The following MACF1 variants were observed in gnomAD, a reference collection of about 807,000 sequenced individuals.
MACF1 encodes microtubule-actin cross-linking factor 1.
MACF1 carries 193 observed loss-of-function variants against 854.8 expected under a neutral mutation model. The observed-to-expected ratio is 0.23, with a 90% CI of 0.20 to 0.25. The LOEUF is 0.25. Ranked by LOEUF, MACF1 falls within the 10% of genes least tolerant of loss-of-function variation. The pLI is 1.00. For synonymous variants in MACF1, 3,185 were observed against 3,226.7 expected, an observed-to-expected ratio of 0.99 and a Z score of 0.44; for missense variants, 7,722 against 8,929.1, an observed-to-expected ratio of 0.86 and a Z score of 5.45.
At chr1:39,419,017 A>G (rs1643432937) in intron 58 of MACF1, among the ~76,000 whole-genome samples, 1 of 152,250 alleles carries the variant, frequency 6.6e-6, no homozygotes, top group African/African-American at 2.4e-5. Flanking sequence ...TTAGTTAATA[A>G]CATGACACAG....
intron 86 of MACF1, 100 bp downstream of exon 86, chr1:39,452,450 A>G (rs1386399924): frequency 4.6e-5 from 59 of 1,276,150 alleles, no homozygotes; most frequent in Non-Finnish European, 6.3e-5. Flanking sequence ...TGAAATAAGT[A>G]TAACAGAGTT....
chr1:39,412,918 G>C, intron 58 of MACF1: 1 of 1,607,198 alleles, frequency 6.2e-7, no homozygotes, highest in Non-Finnish European at 8.5e-7. Flanking sequence ...GGACATCCTA[G>C]TTGCTTCAAT....
intron 2 of MACF1, among the ~76,000 whole-genome samples, chr1:39,232,039 T>C (rs1644783200): frequency 6.7e-6 from 1 of 150,084 alleles, no homozygotes; most frequent in African/African-American, 2.4e-5. Context: ...ATTATTATTA[T>C]TTTAAATAGA....
At position 39,439,396 on chromosome 1, in the gene MACF1, G is replaced by T. The variant is rs765432479; in HGVS notation, c.18343G>T (p.Ala6115Ser). 3.1e-6 allele frequency: 5 copies of T among 1,614,116 alleles called. No individual in the cohort carries two copies. In the Admixed American group the frequency reaches 8.3e-5, roughly 27 times the overall value. ...AGCAGAGAAGTTCTGGTATGACATG[G>T]CAGCTCTCCTGACCACCATCAAAGA... ...ELAEKFWYDM[A>S]ALLTTIKDTQ... The change falls in exon 72 of 101, where the codon GCA becomes TCA. Residue 6115 changes from alanine (A) to serine (S), a missense_variant. By Grantham distance (99) the Ala-to-Ser change is moderately conservative. Coordinates refer to ENST00000564288, the MANE Select transcript of MACF1 (RefSeq NM_001394062.1).
chr1:39,359,646 G>A (rs1019341043), intron 47 of MACF1, among the ~76,000 whole-genome samples: 2 of 152,046 alleles, frequency 1.3e-5, no homozygotes, highest in Non-Finnish European at 2.9e-5. Context: ...GTAGCCAAGA[G>A]TATATCATGG....
intron 38 of MACF1, among the ~76,000 whole-genome samples, chr1:39,337,626 C>T (rs953653567): frequency 7.8e-6 from 1 of 128,928 alleles, no homozygotes; most frequent in Non-Finnish European, 1.5e-5. Flanking sequence ...AGTGCAGTAG[C>T]GGTGATCTCG....
At chr1:39,411,883 T>C (rs1288838223) in intron 58 of MACF1, 1 of 1,613,950 alleles carries the variant, frequency 6.2e-7, no homozygotes, top group Non-Finnish European at 8.5e-7. Flanking sequence ...TTGTGGATAT[T>C]TTAATACCCT....
At chr1:39,378,645 A>C (rs1395594046) in intron 53 of MACF1, 122 bp downstream of exon 53, 1 of 943,422 alleles carries the variant, frequency 1.1e-6, no homozygotes, top group South Asian at 1.7e-5. Context: ...GTGAGGATAA[A>C]AATCTGGGGA....
Position 39,427,573 on chromosome 1 carries a change from A to G in MACF1, c.16435A>G (p.Thr5479Ala), listed in dbSNP as rs1279358115. The G allele has an allele frequency of 6.2e-7, 1 of 1,614,034 alleles. No homozygotes were observed. Among genetic ancestry groups the G allele is most frequent in the African/African-American group, 1.3e-5 (1 of 74,930 alleles). The change falls in exon 62 of 101, where the codon ACT becomes GCT. Residue 5479 changes from threonine to alanine, a missense_variant. By Grantham distance (58) the Thr-to-Ala change is moderately conservative. This residue lies in a region of MACF1 where 2,807 missense variants were observed against 3,235.8 expected (regional missense o/e 0.87). Coordinates refer to ENST00000564288, the MANE Select transcript of MACF1 (RefSeq NM_001394062.1). ...KKLANSEPVG[T>A]QTAKIQQQII... is the part of the protein sequence containing the mutation. ...GCTTGCTAACTCAGAACCTGTTGGC[A>G]CTCAGACTGCCAAAATACAGCAGCA...
chr1:39,230,174 T>C lies in MACF1; in HGVS notation c.110-1008T>C, dbSNP rs1352290474. Among the ~76,000 whole-genome samples the C allele has an allele frequency of 2.0e-5, 3 of 152,154 alleles. No individual in the cohort carries two copies. In the East Asian group the frequency reaches 5.8e-4, roughly 29 times the overall value. On this transcript the variant is annotated intron_variant, in intron 1 of 100. Transcript: ENST00000564288. The stretch of plus-strand genomic sequence containing the variant: ...GATAATGGTAAGTGCTAAATAGGTA[T>C]GTTTGGGGAAGGAATAAGGCCCAAA...
Position 39,463,665 on chromosome 1 carries a change from G to A in MACF1, c.21732G>A (p.Gln7244=), listed in dbSNP as rs749115233. The change falls in exon 94 of 101, where the codon CAG becomes CAA. Residue 7244 remains glutamine (Q), a synonymous_variant. Transcript: ENST00000564288. The stretch of plus-strand genomic sequence containing the variant: ...GTGCAAAAAGGTTTCAGGTGGAGCA[G>A]ATCGGAGAGAATAAATACCGGGTAA... ...CKCAKRFQVE[Q]IGENKYRFFL... is the part of the protein sequence containing the mutation. 13 of 1,613,262 alleles carry A rather than the reference G, an allele frequency of 8.1e-6. No individual in the cohort carries two copies. In the South Asian group the frequency reaches 1.2e-4, roughly 15 times the overall value.
intron 1 of MACF1, among the ~76,000 whole-genome samples, chr1:39,209,634 G>A (rs945539624): frequency 7.2e-5 from 1 of 13,844 alleles, no homozygotes; most frequent in Non-Finnish European, 2.6e-4. Context: ...TCCCCATCCT[G>A]GGTTTTTTTT....
intron 86 of MACF1, 93 bp from the exon 87 acceptor site, chr1:39,452,591 T>A: frequency 6.6e-7 from 1 of 1,526,330 alleles, no homozygotes; most frequent in Non-Finnish European, 9.0e-7. Context: ...ATGAAATGTC[T>A]GAATGAACAC....
At position 39,134,869 on chromosome 1, in the gene MACF1, C is replaced by T. The variant is rs115501180; in HGVS notation, c.220+50431C>T. Among the ~76,000 whole-genome samples, 1,000 of 152,180 alleles carry T rather than the reference C, an allele frequency of 6.6e-3. 11 individuals carry two copies. The highest frequency in any genetic ancestry group is 0.023 in the African/African-American group (945 of 41,522). On this transcript the variant is annotated intron_variant, in intron 2 of 93. Transcript: ENST00000361689. ...TACATTCACTTGATTGTTGTGCAGC[C>T]GTCACTATTATCTATCTCTAGAACT...
intron 6 of MACF1, among the ~76,000 whole-genome samples, chr1:39,281,977 A>G (rs893206998): frequency 3.3e-5 from 5 of 152,062 alleles, no homozygotes; most frequent in Non-Finnish European, 7.4e-5. Flanking sequence ...ATCGTGAATA[A>G]TATCATTAAA....
chr1:39,328,877 T>C (rs1646665906), intron 36 of MACF1, among the ~76,000 whole-genome samples: 1 of 152,218 alleles, frequency 6.6e-6, no homozygotes. Context: ...GAAGTAACAG[T>C]GTAGACTTTT....
intron 2 of MACF1, among the ~76,000 whole-genome samples, chr1:39,186,210 CTCTCTGTGTGTG>C (rs1214661609): frequency 2.9e-5 from 2 of 69,352 alleles, no homozygotes; most frequent in East Asian, 4.3e-4. Flanking sequence ...CTCTCTCTCT[CTCTCTGTGTGTG>C]TGTGTGTGTG....
intron 40 of MACF1, among the ~76,000 whole-genome samples, chr1:39,341,714 A>G (rs901508045): frequency 1.3e-5 from 2 of 151,848 alleles, no homozygotes; most frequent in Non-Finnish European, 2.9e-5. Context: ...AAAAAAAATC[A>G]TATCCCTGGA....
chr1:39,207,171 G>A (rs539932181), intron 1 of MACF1, among the ~76,000 whole-genome samples: 420 of 151,920 alleles, frequency 2.8e-3, no homozygotes, highest in African/African-American at 9.9e-3. Context: ...TGTATTACTG[G>A]TTTAGTATGT....
Sources: allele counts gnomAD v4.1 joint callset (sites outside exome capture counted in the v4.1 genomes callset), GRCh38; gene constraint gnomAD v4.1.1; regional missense constraint gnomAD v4.1.1; transcripts MANE v1.5; gene names NCBI Gene and HGNC (gene_info 2026-07-23, HGNC 2026-07-21).